Variants in NCOA3 observed in about 807,000 individuals in gnomAD.
The protein encoded by NCOA3 is CBP-interacting protein.
NCOA3 carries 51 observed loss-of-function variants against 158.8 expected under a neutral mutation model. The ratio of observed to expected loss-of-function variants is 0.32; its 90% confidence interval spans 0.26 to 0.41. The LOEUF (loss-of-function observed/expected upper bound fraction) is 0.41. Among genes scored for constraint, NCOA3 ranks in the 10% least tolerant of loss-of-function variants. The pLI is 1.00. For synonymous variants in NCOA3, 537 were observed against 592.4 expected, an observed-to-expected ratio of 0.91 and a Z score of 1.36; for missense variants, 1,510 against 1,746.6, an observed-to-expected ratio of 0.86 and a Z score of 2.41.
At chr20:47,575,612 G>A (rs374288774) in intron 1 of NCOA3, among the ~76,000 whole-genome samples, 3 of 152,076 alleles carry the variant, frequency 2.0e-5, no homozygotes, top group Admixed American at 6.6e-5. Flanking sequence ...TTACTTTCAC[G>A]TTTTCAGAAA....
intron 2 of NCOA3, among the ~76,000 whole-genome samples, chr20:47,591,204 T>C (rs992864128): frequency 1.3e-5 from 2 of 152,252 alleles, no homozygotes; most frequent in African/African-American, 4.8e-5. Flanking sequence ...TTTAGTCCTA[T>C]GCAGTTAATT....
intron 1 of NCOA3, among the ~76,000 whole-genome samples, chr20:47,581,279 A>G (rs905262357): frequency 6.6e-6 from 1 of 152,150 alleles, no homozygotes; most frequent in Non-Finnish European, 1.5e-5. Context: ...TCTGAAAAAA[A>G]TTCGAGACAC....
intron 13 of NCOA3, among the ~76,000 whole-genome samples, chr20:47,638,519 A>G (rs1056117239): frequency 1.4e-4 from 21 of 152,230 alleles, no homozygotes; most frequent in Non-Finnish European, 2.4e-4. Context: ...CTAAACTAGA[A>G]TGGATAGATC....
chr20:47,627,864 G>A (rs2086347992), intron 7 of NCOA3, 58 bp from the exon 8 acceptor site: 1 of 1,580,046 alleles, frequency 6.3e-7, no homozygotes. Context: ...CTTGCCTATT[G>A]AACATATATA....
intron 1 of NCOA3, among the ~76,000 whole-genome samples, chr20:47,522,313 A>G (rs954055973): frequency 2.0e-5 from 3 of 151,494 alleles, no homozygotes; most frequent in Non-Finnish European, 4.4e-5. Context: ...CATGTTAGCC[A>G]GGATGGTCTC....
Position 47,501,976 on chromosome 20 carries a change from G to A in NCOA3, c.-142G>A, listed in dbSNP as rs2146031309. 5.0e-6 allele frequency: 2 copies of A among 399,852 alleles called. No individual in the cohort carries two copies. The highest frequency in any genetic ancestry group is 2.1e-5 in the African/African-American group (1 of 48,700). The allele number at this position is 399,852 out of a possible 1,614,324, so 24.8% of individuals were successfully genotyped here. A position where few individuals can be genotyped will look rare whatever the true frequency, so the allele number is the denominator to read the frequency against. ...GCGGCGGCTGCGGGCTGAGCGGCGA[G>A]TTTCCGATTTAAAGCTGAGCTGCGA... is the stretch of plus-strand genomic sequence containing the variant. On this transcript the variant is annotated 5_prime_UTR_variant, in exon 1 of 23. Transcript: ENST00000371998.
chr20:47,575,175 A>G (rs1289379831), intron 1 of NCOA3, among the ~76,000 whole-genome samples: 1 of 152,170 alleles, frequency 6.6e-6, no homozygotes, highest in Non-Finnish European at 1.5e-5. Context: ...CTTGGCTTGT[A>G]TTAATCAAAT....
At chr20:47,526,668 G>A (rs1009189287) in intron 1 of NCOA3, among the ~76,000 whole-genome samples, 38 of 152,362 alleles carry the variant, frequency 2.5e-4, no homozygotes, top group African/African-American at 8.7e-4. Flanking sequence ...AGCTGAGGCA[G>A]GAGAATCAGG....
intron 2 of NCOA3, among the ~76,000 whole-genome samples, chr20:47,598,294 C>T (rs951675702): frequency 8.0e-5 from 12 of 150,182 alleles, no homozygotes; most frequent in East Asian, 7.8e-4. Context: ...TGTTTACTAG[C>T]GAACTTTGGA....
chr20:47,628,236 C>T (rs887624359), intron 8 of NCOA3, among the ~76,000 whole-genome samples: 4 of 151,804 alleles, frequency 2.6e-5, no homozygotes, highest in Non-Finnish European at 5.9e-5. Flanking sequence ...GTATGTTTGG[C>T]ATTTTAAATC....
chr20:47,618,696 G>C (rs2086186580), intron 2 of NCOA3, among the ~76,000 whole-genome samples: 1 of 152,154 alleles, frequency 6.6e-6, no homozygotes, highest in African/African-American at 2.4e-5. Context: ...GACTCTGAAG[G>C]AGTAAGTTTG....
Position 47,654,593 on chromosome 20 carries a change from C to T in NCOA3, c.*1176C>T, listed in dbSNP as rs2086844445. The T allele has an allele frequency of 6.6e-6, 1 of 152,432 alleles. No homozygotes were observed. Among genetic ancestry groups the T allele is most frequent in the African/African-American group, 2.4e-5 (1 of 41,378 alleles). The allele number at this position is 152,432 out of a possible 1,614,324, so 9.4% of individuals were successfully genotyped here. A position where few individuals can be genotyped will look rare whatever the true frequency, so the allele number is the denominator to read the frequency against. ...GTAGTGCTCCACAGCTTTTCCTTCC[C>T]CACCCCCCAGCCTTAGATGCCTCGC... is the stretch of plus-strand genomic sequence containing the variant. On this transcript the variant is annotated 3_prime_UTR_variant, in exon 23 of 23. Transcript: ENST00000371998.
intron 1 of NCOA3, among the ~76,000 whole-genome samples, chr20:47,520,061 CAAAAAA>C (rs35406814): frequency 9.1e-5 from 3 of 32,896 alleles, no homozygotes; most frequent in East Asian, 3.4e-3. Context: ...TGTGCCTGGC[CAAAAAA>C]AAAAAAAAAA....
At chr20:47,615,291 A>C (rs146904765) in intron 2 of NCOA3, among the ~76,000 whole-genome samples, 78 of 152,300 alleles carry the variant, frequency 5.1e-4, no homozygotes, top group African/African-American at 1.7e-3. Context: ...TTCTATGTCA[A>C]TTTAGATTTA....
At position 47,634,063 on chromosome 20, in the gene NCOA3, A is replaced by G; in HGVS notation, c.980A>G (p.His327Arg). The G allele has an allele frequency of 2.5e-6, 4 of 1,614,124 alleles. No homozygotes were observed. The highest frequency in any genetic ancestry group is 3.4e-6 in the Non-Finnish European group (4 of 1,180,020). Residue 327 changes from histidine to arginine, a missense_variant, in exon 10 of 23, where the codon CAT (histidine) becomes CGT (arginine). By Grantham distance (29) the His-to-Arg change is conservative (BLOSUM62 0). Transcript: ENST00000371998. Reference protein sequence around the residue: ...RHYQEAYLNGHAETPVYRFSL... With the variant: ...RHYQEAYLNGRAETPVYRFSL... ...TCCCCAACAGCTTATCTTAATGGCCATGCAGAAACCCCAGTATATCGATTC... is the reference window on the plus strand; with the variant it reads ...TCCCCAACAGCTTATCTTAATGGCCGTGCAGAAACCCCAGTATATCGATTC...
intron 1 of NCOA3, among the ~76,000 whole-genome samples, chr20:47,522,996 C>G (rs1185126322): frequency 6.6e-6 from 1 of 152,056 alleles, no homozygotes; most frequent in African/African-American, 2.4e-5. Context: ...CGAGACCATC[C>G]TGGCTAACAC....
At position 47,546,504 on chromosome 20, in the gene NCOA3, A is replaced by G. The variant is rs148859045; in HGVS notation, c.-98-36679A>G. On this transcript the variant is annotated intron_variant, in intron 1 of 22. Transcript: ENST00000371998. The stretch of plus-strand genomic sequence containing the variant: ...AAATGAAAGTTCTTACTTTGTTTCA[A>G]TGAGACTCTGTGACTTGCCTCTGTT... Among the ~76,000 whole-genome samples the G allele has an allele frequency of 5.6e-3, 840 of 149,936 alleles. 8 individuals carry two copies. The highest frequency in any genetic ancestry group is 7.8e-3 in the Non-Finnish European group (527 of 67,564).
At chr20:47,624,154 G>T in intron 4 of NCOA3, 71 bp downstream of exon 4, 1 of 1,372,062 alleles carries the variant, frequency 7.3e-7, no homozygotes, top group East Asian at 2.3e-5. Flanking sequence ...GACTGGTTTT[G>T]TGGAAGCCAG....
Position 47,652,481 on chromosome 20 carries a change from G to A in NCOA3, c.4022G>A (p.Gly1341Asp), listed in dbSNP as rs1568760074. 1 of 1,614,072 alleles carries A rather than the reference G, an allele frequency of 6.2e-7. No individual in the cohort carries two copies. The highest frequency in any genetic ancestry group is 1.1e-5 in the South Asian group (1 of 91,090). The change falls in exon 21 of 23, where the codon GGT becomes GAT. Residue 1341 changes from glycine to aspartate, a missense_variant. Gly to Asp is a moderately conservative substitution (Grantham distance 94, BLOSUM62 -1). This residue lies in a region of NCOA3 where 180 missense variants were observed against 199.3 expected (regional missense o/e 0.90). Coordinates refer to ENST00000371998, the MANE Select transcript of NCOA3 (RefSeq NM_181659.3). ...PPNAMMSSRMGPSQNPMMQHP... is the reference protein window; with the variant it reads ...PPNAMMSSRMDPSQNPMMQHP... ...AATGCAATGATGTCGTCAAGAATGGGTCCCTCCCAGAATCCCATGATGCAA... is the reference window on the plus strand; with the variant it reads ...AATGCAATGATGTCGTCAAGAATGGATCCCTCCCAGAATCCCATGATGCAA...
Sources: allele counts gnomAD v4.1 joint callset (sites outside exome capture counted in the v4.1 genomes callset), GRCh38; gene constraint gnomAD v4.1.1; regional missense constraint gnomAD v4.1.1; transcripts MANE v1.5; gene names NCBI Gene and HGNC (gene_info 2026-07-23, HGNC 2026-07-21).